Variants in USP8 observed in about 807,000 individuals in gnomAD.
USP8 encodes the protein ubiquitin specific peptidase 8.
Under a neutral mutation model 130.0 loss-of-function variants are expected in USP8, and 27 were observed. That is an observed-to-expected ratio of 0.21 (90% confidence interval 0.15 to 0.29). USP8 has a LOEUF of 0.29. Among genes scored for constraint, USP8 ranks in the 10% least tolerant of loss-of-function variants. USP8 has a pLI of 1.00. For synonymous variants in USP8, 392 were observed against 444.1 expected (o/e 0.88, Z 1.48); for missense variants, 1,029 against 1,312.2 (o/e 0.78, Z 3.33).
rs781480800 is a variant in USP8 at position 50,514,358 on chromosome 15, T to A, written c.*15270T>A. On this transcript the variant is annotated 3_prime_UTR_variant, in exon 20 of 20. Transcript: ENST00000307179. Reference sequence around the variant, plus strand: ...TCACTTGAAAATCCATCAAGTTTTATCCTCATGGTTTGTGTACTTTTCTGT... The same window carrying A: ...TCACTTGAAAATCCATCAAGTTTTAACCTCATGGTTTGTGTACTTTTCTGT... The A allele has an allele frequency of 6.6e-6, 1 of 152,180 alleles. No individual in the cohort carries two copies. Among genetic ancestry groups the A allele is most frequent in the Admixed American group, 6.5e-5 (1 of 15,278 alleles). 9.4% of individuals were successfully genotyped at this position (152,180 alleles called of 1,614,324 possible).
At chr15:50,434,183 A>G (rs1036119449) in intron 1 of USP8, among the ~76,000 whole-genome samples, 2 of 151,798 alleles carry the variant, frequency 1.3e-5, no homozygotes, top group African/African-American at 4.8e-5. Flanking sequence ...GCTCACTGCA[A>G]TCTTCACCTC....
chr15:50,427,126 A>G (rs977693721), intron 1 of USP8, among the ~76,000 whole-genome samples: 3 of 151,930 alleles, frequency 2.0e-5, no homozygotes, highest in Non-Finnish European at 4.4e-5. Flanking sequence ...TTTAGTAGAG[A>G]TGGGGTTTCA....
intron 6 of USP8, among the ~76,000 whole-genome samples, chr15:50,464,841 G>A (rs183501666): frequency 1.9e-4 from 29 of 152,292 alleles, no homozygotes; most frequent in African/African-American, 6.5e-4. Flanking sequence ...GTTACAGAAC[G>A]AGACCCTGTC....
At chr15:50,472,284 G>C (rs986053274) in intron 8 of USP8, among the ~76,000 whole-genome samples, 3 of 151,936 alleles carry the variant, frequency 2.0e-5, no homozygotes, top group African/African-American at 7.2e-5. Flanking sequence ...TAAAACTTAG[G>C]TGGAAAAAGA....
In USP8 at chr15:50,510,353, G is replaced by A. The variant is rs1035431401; in HGVS notation, c.*11265G>A. 2 of 151,844 alleles carry A rather than the reference G, an allele frequency of 1.3e-5. No individual in the cohort carries two copies. The highest frequency in any genetic ancestry group is 2.9e-5 in the Non-Finnish European group (2 of 67,988). 9.4% of individuals were successfully genotyped at this position (151,844 alleles called of 1,614,324 possible). A position where few individuals can be genotyped will look rare whatever the true frequency, so the allele number is the denominator to read the frequency against. On this transcript the variant is annotated 3_prime_UTR_variant, in exon 20 of 20. Transcript: ENST00000307179. ...ATGAGACACAGAAAAGGACTAACTAGAAAAGATTGATGTTCCAACCAAATT... is the reference window on the plus strand; with the variant it reads ...ATGAGACACAGAAAAGGACTAACTAAAAAAGATTGATGTTCCAACCAAATT...
chr15:50,452,363 C>T (rs1345280630), intron 4 of USP8, among the ~76,000 whole-genome samples: 3 of 152,126 alleles, frequency 2.0e-5, no homozygotes, highest in Non-Finnish European at 4.4e-5. Flanking sequence ...GAGCATGCCT[C>T]GCTCTCACTT....
chr15:50,429,567 G>A (rs537595560), intron 1 of USP8, among the ~76,000 whole-genome samples: 36 of 152,140 alleles, frequency 2.4e-4, no homozygotes, highest in Non-Finnish European at 4.7e-4. Context: ...AGGCGAGGTT[G>A]GCTCATGCCT....
At chr15:50,461,728 C>G (rs2051014376) in intron 5 of USP8, among the ~76,000 whole-genome samples, 1 of 152,038 alleles carries the variant, frequency 6.6e-6, no homozygotes, top group African/African-American at 2.4e-5. Flanking sequence ...TAGCACACGC[C>G]TGTAATCCCA....
intron 1 of USP8, among the ~76,000 whole-genome samples, chr15:50,425,443 A>T (rs1340261620): frequency 6.6e-6 from 1 of 152,220 alleles, no homozygotes; most frequent in Non-Finnish European, 1.5e-5. Context: ...TTTGCATTTC[A>T]GCCGATTCTG....
intron 4 of USP8, among the ~76,000 whole-genome samples, chr15:50,457,106 G>A (rs542707875): frequency 7.9e-4 from 121 of 152,286 alleles, no homozygotes; most frequent in African/African-American, 2.8e-3. Context: ...TTGAAAATGT[G>A]TGGTACAAAA....
chr15:50,479,750 C>T (rs1290476593), intron 10 of USP8, among the ~76,000 whole-genome samples: 1 of 151,620 alleles, frequency 6.6e-6, no homozygotes. Context: ...ACACTAACCT[C>T]GTTTTCTTTT....
chr15:50,462,349 G>C (rs371588329), intron 6 of USP8, 27 bp downstream of exon 6: 4 of 1,578,180 alleles, frequency 2.5e-6, no homozygotes, highest in Non-Finnish European at 2.6e-6. Flanking sequence ...GGAGGAAGTT[G>C]TTTTAGGTTC....
rs2052644835 is a variant in USP8, at chr15:50,505,384, T to C, written c.*6296T>C. The C allele has an allele frequency of 6.6e-6, 1 of 152,110 alleles. No homozygotes were observed. Among genetic ancestry groups the C allele is most frequent in the Non-Finnish European group, 1.5e-5 (1 of 67,998 alleles). The allele number at this position is 152,110 out of a possible 1,614,324, so 9.4% of individuals were successfully genotyped here. On this transcript the variant is annotated 3_prime_UTR_variant, in exon 20 of 20. Transcript: ENST00000307179. ...AGACAATACAGTAGCTTCAAAATAA[T>C]AGAGAAAAATAACTGTCAATCTGGA...
In USP8 at chr15:50,509,183, G is replaced by T. The variant is rs2052705911; in HGVS notation, c.*10095G>T. On this transcript the variant is annotated 3_prime_UTR_variant, in exon 20 of 20. Transcript: ENST00000307179. The stretch of plus-strand genomic sequence containing the variant: ...AAAATTACAAAATTAGCTGGACATG[G>T]TGTTGTGCCTGTAGTTCCATCTACT... 1 of 149,480 alleles carries T rather than the reference G, an allele frequency of 6.7e-6. No individual in the cohort carries two copies. The highest frequency in any genetic ancestry group is 1.5e-5 in the Non-Finnish European group (1 of 67,878). The allele number at this position is 149,480 out of a possible 1,614,324, so 9.3% of individuals were successfully genotyped here.
At chr15:50,451,393 A>G (rs2050625485) in intron 4 of USP8, among the ~76,000 whole-genome samples, 1 of 152,210 alleles carries the variant, frequency 6.6e-6, no homozygotes. Context: ...CCTGGGCGAC[A>G]GAGTGAGACT....
At chr15:50,441,625 A>C (rs1293981692) in intron 3 of USP8, 132 bp downstream of exon 3, 1 of 700,408 alleles carries the variant, frequency 1.4e-6, no homozygotes, top group African/African-American at 1.9e-5. Flanking sequence ...TGTAGATAGA[A>C]AAAGGGAACT....
At chr15:50,462,946 C>A (rs2051059023) in intron 6 of USP8, among the ~76,000 whole-genome samples, 1 of 146,644 alleles carries the variant, frequency 6.8e-6, no homozygotes, top group South Asian at 2.2e-4. Context: ...CATTTACATC[C>A]CCCATAAAAA....
At position 50,514,244 on chromosome 15, in the gene USP8, G is replaced by A. The variant is rs1160978913; in HGVS notation, c.*15156G>A. On this transcript the variant is annotated 3_prime_UTR_variant, in exon 20 of 20. Transcript: ENST00000307179. ...AAATCTGTCCTGCCAGAAGTCAGTGGTTTTCCAGACTCGAAGGCAGGTACA... is the reference window on the plus strand; with the variant it reads ...AAATCTGTCCTGCCAGAAGTCAGTGATTTTCCAGACTCGAAGGCAGGTACA... The A allele has an allele frequency of 6.6e-6, 1 of 152,196 alleles. No homozygotes were observed. The highest frequency in any genetic ancestry group is 2.4e-5 in the African/African-American group (1 of 41,450). 9.4% of individuals were successfully genotyped at this position (152,196 alleles called of 1,614,324 possible).
In USP8 at chr15:50,500,558, C is replaced by CAAGT; in HGVS notation, c.*1475_*1478dup. Reference sequence around the variant, plus strand: ...ACAAGGCATAAAAATGTTAATGATGCAAGTAAGTTCTAAGAGTTTAATGAC... The same window carrying CAAGT: ...ACAAGGCATAAAAATGTTAATGATGCAAGTAAGTAAGTTCTAAGAGTTTAATGAC... On this transcript the variant is annotated 3_prime_UTR_variant, in exon 20 of 20. Coordinates refer to ENST00000307179, the MANE Select transcript of USP8 (RefSeq NM_005154.5). 1 of 487,948 alleles carries CAAGT rather than the reference C, an allele frequency of 2.0e-6. No homozygotes were observed. Among genetic ancestry groups the CAAGT allele is most frequent in the Non-Finnish European group, 3.7e-6 (1 of 268,178 alleles). The allele number at this position is 487,948 out of a possible 1,614,324, so 30.2% of individuals were successfully genotyped here. A position where few individuals can be genotyped will look rare whatever the true frequency, so the allele number is the denominator to read the frequency against.
Sources: gnomAD v4.1 joint callset for allele counts (sites outside exome capture counted in the v4.1 genomes callset) on GRCh38, gnomAD v4.1.1 for gene constraint, MANE v1.5 for transcripts, NCBI Gene and HGNC (gene_info 2026-07-23, HGNC 2026-07-21) for gene names.